Variants in DNAH12 observed in about 807,000 individuals in gnomAD.
DNAH12 encodes the protein dynein axonemal heavy chain 12, also known as axonemal beta dynein heavy chain 12.
In DNAH12, 285 loss-of-function variants were observed where a neutral mutation model predicts 371.5. The ratio of observed to expected loss-of-function variants is 0.77; its 90% CI spans 0.70 to 0.85. DNAH12 has a LOEUF of 0.85. DNAH12 is among the 40% of genes least tolerant of loss of function. DNAH12 has a pLI of 0.00. For missense variants in DNAH12, 3,611 were observed against 3,689.4 expected, an observed-to-expected ratio of 0.98 and a Z score of 0.55; for synonymous variants, 1,200 against 1,213.0, an observed-to-expected ratio of 0.99 and a Z score of 0.22.
At chr3:57,412,804 G>A (rs62252058) in intron 39 of DNAH12, among the ~76,000 whole-genome samples, 29,727 of 152,112 alleles carry the variant, frequency 0.2, 3,156 homozygotes, top group African/African-American at 0.26. Flanking sequence ...CAGAGAAGAC[G>A]TGGAGCAACA....
intron 7 of DNAH12, 92 bp downstream of exon 7, chr3:57,508,290 G>T: frequency 8.4e-7 from 1 of 1,195,890 alleles, no homozygotes. Context: ...GAAAAGTGTT[G>T]AAGATTTAGG....
chr3:57,446,619 GT>G lies in DNAH12; in HGVS notation c.3856del (p.Thr1286ProfsTer21). On this transcript the variant is annotated frameshift_variant, in exon 26 of 74. Transcript: ENST00000495027. LOFTEE classifies it high-confidence loss of function. ...AGCAAGAGCTTTAGCCAAGTCCTTG[GT>G]GGTTTCGGTTTTTCCTGTGCCTGCT... The part of the protein sequence containing the change: ...GPAGTGKTET[T>X]KDLAKALAVQ... 3.2e-6 allele frequency: 5 copies of G among 1,549,996 alleles called. No homozygotes were observed. Among genetic ancestry groups the G allele is most frequent in the Non-Finnish European group, 4.4e-6 (5 of 1,145,986 alleles).
At position 57,507,816 on chromosome 3, in the gene DNAH12, C is replaced by CA; in HGVS notation, c.723dup (p.Glu242Ter). 6.3e-7 allele frequency: 1 copy of CA among 1,585,952 alleles called. No homozygotes were observed. Among genetic ancestry groups the CA allele is most frequent in the African/African-American group, 1.4e-5 (1 of 73,034 alleles). On this transcript the variant is annotated frameshift_variant, in exon 8 of 74. Transcript: ENST00000495027. LOFTEE classifies it high-confidence loss of function. ...ATTGATAGATCAGTTTTCAGTGATT[C>CA]ACAGTCAATTGGACCTTTAGCTCTA...
intron 13 of DNAH12, among the ~76,000 whole-genome samples, chr3:57,482,002 T>G (rs1167712734): frequency 2.0e-5 from 3 of 152,162 alleles, no homozygotes; most frequent in Admixed American, 6.5e-5. Context: ...ATTCAGGACA[T>G]AGGCATGGGC....
intron 2 of DNAH12, among the ~76,000 whole-genome samples, chr3:57,534,149 T>C (rs140655270): frequency 7.4e-5 from 11 of 148,794 alleles, no homozygotes; most frequent in African/African-American, 2.8e-4. Context: ...AAGGCAGCAT[T>C]GAGTTCAATG....
intron 8 of DNAH12, 80 bp downstream of exon 8, chr3:57,507,563 T>C (rs1481572151): frequency 3.0e-6 from 3 of 998,538 alleles, no homozygotes; most frequent in Admixed American, 3.6e-5. Context: ...TACTTAGCAC[T>C]ATGTTTACGT....
At chr3:57,417,081 T>G (rs2064400653) in intron 37 of DNAH12, among the ~76,000 whole-genome samples, 1 of 151,976 alleles carries the variant, frequency 6.6e-6, no homozygotes, top group African/African-American at 2.4e-5. Context: ...AGAAACCCCA[T>G]CTCTATTAAA....
At chr3:57,499,673 T>TATATATATATATATATATACACACACAC (rs771112538) in intron 11 of DNAH12, among the ~76,000 whole-genome samples, 6 of 44,452 alleles carry the variant, frequency 1.3e-4, no homozygotes, top group Admixed American at 2.8e-4. Context: ...TATATATATA[T>TATATATATATATATATATACACACACAC]ATACTTCTTA....
intron 43 of DNAH12, among the ~76,000 whole-genome samples, chr3:57,397,682 G>A (rs1457867043): frequency 3.3e-5 from 5 of 152,110 alleles, no homozygotes; most frequent in African/African-American, 1.2e-4. Context: ...AGAAGAAACA[G>A]GAAATTAAGA....
At chr3:57,431,061 A>G (rs948154183) in intron 32 of DNAH12, among the ~76,000 whole-genome samples, 2 of 152,214 alleles carry the variant, frequency 1.3e-5, no homozygotes, top group African/African-American at 4.8e-5. Context: ...AAAAAGTTCT[A>G]CTGGACATGC....
rs782336765 is a variant in DNAH12, at chr3:57,412,180, G to A, written c.6020+1566C>T. ...GGATTGCTTGAAGCTAGAATTTTGA[G>A]AACAGCCTTGACAACATAGCAAGAC... On this transcript the variant is annotated intron_variant, in intron 39 of 73. Coordinates refer to ENST00000495027, the MANE Select transcript of DNAH12 (RefSeq NM_001366028.2). Among the ~76,000 whole-genome samples, 21 of 152,254 alleles carry A rather than the reference G, an allele frequency of 1.4e-4. No homozygotes were observed. In the East Asian group the frequency reaches 3.9e-3, roughly 28 times the overall value.
intron 11 of DNAH12, among the ~76,000 whole-genome samples, chr3:57,499,928 A>G (rs564437978): frequency 1.6e-4 from 25 of 151,912 alleles, no homozygotes; most frequent in African/African-American, 5.5e-4. Flanking sequence ...CTAAACAGTC[A>G]ATAGAAAGGG....
chr3:57,508,080 G>A (rs921023991), intron 7 of DNAH12, among the ~76,000 whole-genome samples: 4 of 151,238 alleles, frequency 2.6e-5, no homozygotes, highest in African/African-American at 7.3e-5. Flanking sequence ...CCAGCTACTC[G>A]GAAGGCTGAG....
In DNAH12 at chr3:57,309,065, G is replaced by A. The variant is rs184559398; in HGVS notation, c.11189+86C>T. ...TCATACCACCCTCAAAATTTTCGCC[G>A]CCCCAACACTTCAACACTATTTTAT... On this transcript the variant is annotated intron_variant, in intron 69 of 73. Coordinates refer to ENST00000495027, the MANE Select transcript of DNAH12 (RefSeq NM_001366028.2). 634 of 1,113,796 alleles carry A rather than the reference G, an allele frequency of 5.7e-4. 2 individuals are homozygous for A. The highest frequency in any genetic ancestry group is 1.8e-3 in the East Asian group (67 of 36,348). The allele number at this position is 1,113,796 out of a possible 1,614,324, so 69.0% of individuals were successfully genotyped here.
At chr3:57,395,489 T>C (rs1261748159) in intron 43 of DNAH12, among the ~76,000 whole-genome samples, 1 of 152,228 alleles carries the variant, frequency 6.6e-6, no homozygotes, top group Non-Finnish European at 1.5e-5. Context: ...TTTTATATTG[T>C]ACACAAAAAC....
At chr3:57,407,375 T>C (rs78649418) in intron 40 of DNAH12, among the ~76,000 whole-genome samples, 3,605 of 151,980 alleles carry the variant, frequency 0.024, 66 homozygotes, top group Admixed American at 0.035. Context: ...TTCCAGGACA[T>C]GCCTGAAATA....
chr3:57,423,513 G>A (rs540885463), intron 35 of DNAH12, among the ~76,000 whole-genome samples: 1 of 152,310 alleles, frequency 6.6e-6, no homozygotes, highest in East Asian at 1.9e-4. Context: ...ACCCTGGAAT[G>A]TGAGATGTCT....
At chr3:57,484,299 T>A (rs1385215317) in intron 12 of DNAH12, among the ~76,000 whole-genome samples, 1 of 152,156 alleles carries the variant, frequency 6.6e-6, no homozygotes, top group Non-Finnish European at 1.5e-5. Flanking sequence ...GTTTCTTTAA[T>A]TAACAGTTCT....
At chr3:57,371,051 T>C (rs1422682080) in intron 55 of DNAH12, among the ~76,000 whole-genome samples, 1 of 152,180 alleles carries the variant, frequency 6.6e-6, no homozygotes, top group African/African-American at 2.4e-5. Context: ...GGTCTATATC[T>C]CATACAGGTT....
Sources: gnomAD v4.1 joint callset for allele counts (sites outside exome capture counted in the v4.1 genomes callset) on GRCh38, gnomAD v4.1.1 for gene constraint, MANE v1.5 for transcripts, NCBI Gene and HGNC (gene_info 2026-07-23, HGNC 2026-07-21) for gene names.